FOXP1: variants seen among roughly 807,000 people sequenced by gnomAD.
FOXP1 encodes forkhead box protein P1.
A neutral mutation model predicts 98.2 loss-of-function variants in FOXP1; 15 were observed. The ratio of observed to expected loss-of-function variants is 0.15; its 90% CI spans 0.10 to 0.24. The LOEUF (loss-of-function observed/expected upper bound fraction) is 0.24. Ranked by LOEUF, FOXP1 falls within the 10% of genes least tolerant of loss-of-function variation. The probability of loss-of-function intolerance (pLI) is 1.00; values close to 1 mark genes in which losing one functional copy is unlikely to be tolerated. For synonymous variants in FOXP1, 371 were observed against 314.5 expected (o/e 1.18, Z -1.90); for missense variants, 633 against 848.5 (o/e 0.75, Z 3.15).
At chr3:71,478,350 A>C (rs1046588690) in intron 3 of FOXP1, among the ~76,000 whole-genome samples, 2 of 152,200 alleles carry the variant, frequency 1.3e-5, no homozygotes, top group African/African-American at 2.4e-5. Flanking sequence ...TGCATCAATA[A>C]ATCTGCTACA....
At chr3:71,279,096 G>T (rs1418422704) in intron 5 of FOXP1, among the ~76,000 whole-genome samples, 2 of 143,454 alleles carry the variant, frequency 1.4e-5, no homozygotes, top group Non-Finnish European at 1.5e-5. Flanking sequence ...GGGAGATAGA[G>T]TCAGGAGAAT....
intron 6 of FOXP1, among the ~76,000 whole-genome samples, chr3:71,180,638 C>T (rs775929365): frequency 3.5e-4 from 54 of 152,182 alleles, no homozygotes; most frequent in Middle Eastern, 6.8e-3. Context: ...TAAACTGAAA[C>T]GCCACCTGGA....
At chr3:71,581,315 C>CT (rs1336233781) in intron 2 of FOXP1, 1 of 985,244 alleles carries the variant, frequency 1.0e-6, no homozygotes, top group African/African-American at 1.7e-5. Flanking sequence ...CCACGCTAAA[C>CT]TTTGATCTCC....
At chr3:71,494,408 C>T (rs955411636) in intron 2 of FOXP1, among the ~76,000 whole-genome samples, 8 of 152,134 alleles carry the variant, frequency 5.3e-5, no homozygotes, top group African/African-American at 1.7e-4. Context: ...TTTGTTTTTA[C>T]CATGATTCAC....
At chr3:71,301,329 C>T (rs762145873) in intron 4 of FOXP1, among the ~76,000 whole-genome samples, 13 of 152,128 alleles carry the variant, frequency 8.5e-5, no homozygotes, top group East Asian at 1.9e-4. Flanking sequence ...GGGCAAGCAA[C>T]GATAAGAAAG....
intron 6 of FOXP1, among the ~76,000 whole-genome samples, chr3:71,155,100 G>A (rs1260166125): frequency 6.6e-6 from 1 of 152,142 alleles, no homozygotes; most frequent in Non-Finnish European, 1.5e-5. Context: ...TGAGAGGCAA[G>A]CCACAAACAA....
chr3:71,159,243 T>C (rs571748792), intron 6 of FOXP1, among the ~76,000 whole-genome samples: 1 of 152,036 alleles, frequency 6.6e-6, no homozygotes, highest in Non-Finnish European at 1.5e-5. Flanking sequence ...CTGTAAAAGA[T>C]TGGAGAGAAT....
chr3:70,956,910 C>G lies in FOXP1; in HGVS notation c.*2337G>C, dbSNP rs532852561. 2.1e-3 allele frequency: 453 copies of G among 218,816 alleles called. 2 individuals carry two copies. Among genetic ancestry groups the G allele is most frequent in the Admixed American group, 2.7e-3 (46 of 17,196 alleles). The allele number at this position is 218,816 out of a possible 1,614,324, so 13.6% of individuals were successfully genotyped here. ...TTTTCTTTAAATGAAAAATGCTGACCAAAGCCTAATCGGAAAAAAAGGAAA... is the reference window on the plus strand; with the variant it reads ...TTTTCTTTAAATGAAAAATGCTGACGAAAGCCTAATCGGAAAAAAAGGAAA... On this transcript the variant is annotated 3_prime_UTR_variant, in exon 21 of 21. Coordinates refer to ENST00000649528, the MANE Select transcript of FOXP1 (RefSeq NM_001349338.3).
chr3:71,527,131 T>C (rs934281742), intron 2 of FOXP1, among the ~76,000 whole-genome samples: 2 of 152,026 alleles, frequency 1.3e-5, no homozygotes, highest in South Asian at 2.1e-4. Context: ...ACAGGCAAGG[T>C]ATCAGCTCCT....
intron 3 of FOXP1, among the ~76,000 whole-genome samples, chr3:71,359,705 A>T (rs1242681249): frequency 6.6e-6 from 1 of 151,974 alleles, no homozygotes; most frequent in Non-Finnish European, 1.5e-5. Context: ...ATAATTTTGG[A>T]ATTGTAGTAG....
At chr3:70,988,855 G>A (rs1484547848) in intron 13 of FOXP1, among the ~76,000 whole-genome samples, 1 of 152,142 alleles carries the variant, frequency 6.6e-6, no homozygotes, top group Non-Finnish European at 1.5e-5. Flanking sequence ...GACACATAAC[G>A]ATTACTTCTG....
At chr3:71,507,946 ATATGC>A (rs2041944833) in intron 2 of FOXP1, among the ~76,000 whole-genome samples, 1 of 152,252 alleles carries the variant, frequency 6.6e-6, no homozygotes, top group Non-Finnish European at 1.5e-5. Context: ...AGCACATTAC[ATATGC>A]TAGGCTACTG....
At chr3:71,392,897 A>C (rs559073236) in intron 3 of FOXP1, among the ~76,000 whole-genome samples, 1 of 152,332 alleles carries the variant, frequency 6.6e-6, no homozygotes, top group African/African-American at 2.4e-5. Flanking sequence ...AAGTATCTTC[A>C]CATTTTACAA....
intron 5 of FOXP1, among the ~76,000 whole-genome samples, chr3:71,217,065 T>A (rs2064998048): frequency 1.3e-5 from 2 of 152,204 alleles, no homozygotes; most frequent in South Asian, 4.1e-4. Flanking sequence ...TATTTTATTT[T>A]ATGCTTTAAT....
chr3:71,465,243 A>G (rs2088571495), intron 3 of FOXP1, among the ~76,000 whole-genome samples: 1 of 148,166 alleles, frequency 6.7e-6, no homozygotes, highest in Non-Finnish European at 1.5e-5. Context: ...GGAGGCAGAG[A>G]TTGTGGTGAG....
At chr3:71,469,948 T>C (rs1391417043) in intron 3 of FOXP1, among the ~76,000 whole-genome samples, 1 of 152,178 alleles carries the variant, frequency 6.6e-6, no homozygotes, top group Non-Finnish European at 1.5e-5. Flanking sequence ...AATGGCCTCA[T>C]GTGGGGTAAT....
intron 7 of FOXP1, chr3:71,065,788 A>G (rs527920416): frequency 6.6e-6 from 1 of 152,226 alleles, no homozygotes; most frequent in African/African-American, 2.4e-5. Context: ...GACCTTCTCT[A>G]TTAGAAATAG....
In FOXP1 at chr3:71,405,730, A is replaced by ATTTT. The variant is rs200584550; in HGVS notation, c.-167-46487_-167-46486insAAAA. 2.0e-5 allele frequency among the ~76,000 whole-genome samples: 3 copies of ATTTT among 150,768 alleles called. 1 individual carries two copies. Among genetic ancestry groups the ATTTT allele is most frequent in the Non-Finnish European group, 4.4e-5 (3 of 67,556 alleles). On this transcript the variant is annotated intron_variant, in intron 3 of 20. Coordinates refer to ENST00000649528, the MANE Select transcript of FOXP1 (RefSeq NM_001349338.3). ...TCCAGGCAACAGTATTTATTTATTTATTTATTTATTTTTTTGAGATGGAGT... is the reference window on the plus strand; with the variant it reads ...TCCAGGCAACAGTATTTATTTATTTATTTTTTTATTTATTTTTTTGAGATGGAGT...
In FOXP1 at chr3:70,975,761, T is replaced by C. The variant is rs560871400; in HGVS notation, c.1530+1180A>G. On this transcript the variant is annotated intron_variant, in intron 17 of 20. Transcript: ENST00000649528. ...AAAAATACAAATGACAGAGTGTACC[T>C]GTCCCCTTCTATAAGCAAGAATATT... is the stretch of plus-strand genomic sequence containing the variant. Among the ~76,000 whole-genome samples the C allele has an allele frequency of 1.8e-3, 279 of 152,302 alleles. 1 individual carries two copies. The highest frequency in any genetic ancestry group is 0.013 in the South Asian group (62 of 4,822).
Sources: allele counts gnomAD v4.1 joint callset (sites outside exome capture counted in the v4.1 genomes callset), GRCh38; gene constraint gnomAD v4.1.1; transcripts MANE v1.5; gene names NCBI Gene and HGNC (gene_info 2026-07-23, HGNC 2026-07-21).